The following SEC14L1 variants were observed in gnomAD, a reference collection of about 807,000 sequenced individuals.
The protein encoded by SEC14L1 is SEC14-like protein 1.
SEC14L1 carries 48 observed loss-of-function variants against 85.3 expected under a neutral mutation model. The ratio of observed to expected loss-of-function variants is 0.56; its 90% CI spans 0.45 to 0.72. SEC14L1 has a LOEUF of 0.72. Ranked by LOEUF, SEC14L1 falls within the 30% of genes least tolerant of loss-of-function variation. The pLI is 0.00. For missense variants in SEC14L1, 682 were observed against 921.4 expected, an observed-to-expected ratio of 0.74 and a Z score of 3.36; for synonymous variants, 391 against 355.5, an observed-to-expected ratio of 1.10 and a Z score of -1.12.
At chr17:77,155,330 CCACACA>C (rs1233305222) in intron 3 of SEC14L1, among the ~76,000 whole-genome samples, 1 of 152,058 alleles carries the variant, frequency 6.6e-6, no homozygotes, top group Non-Finnish European at 1.5e-5. Flanking sequence ...ACACCCACAC[CCACACA>C]CCCACCCCAG....
intron 3 of SEC14L1, among the ~76,000 whole-genome samples, chr17:77,153,224 G>A (rs557891943): frequency 1.6e-4 from 25 of 152,208 alleles, no homozygotes; most frequent in African/African-American, 5.5e-4. Flanking sequence ...GCGCCACCAC[G>A]CCCGGCTAAT....
In SEC14L1 at chr17:77,190,928, A is replaced by G; in HGVS notation, c.189A>G (p.Val63=). Residue 63 remains valine (V), a synonymous_variant, in exon 4 of 17, where the codon GTA becomes GTG. Coordinates refer to ENST00000436233, the MANE Select transcript of SEC14L1 (RefSeq NM_001143998.2). ...HVIERRCKLD[V]DAPRLLKKIA... ...TTGAAAGGCGCTGCAAGCTGGATGTAGATGCACCCAGACTGCTGAAGAAGG... is the reference window on the plus strand; with the variant it reads ...TTGAAAGGCGCTGCAAGCTGGATGTGGATGCACCCAGACTGCTGAAGAAGG... 1 of 1,614,190 alleles carries G rather than the reference A, an allele frequency of 6.2e-7. No individual in the cohort carries two copies. The highest frequency in any genetic ancestry group is 8.5e-7 in the Non-Finnish European group (1 of 1,180,048).
chr17:77,187,400 C>T (rs570646211), intron 3 of SEC14L1, among the ~76,000 whole-genome samples: 40 of 151,754 alleles, frequency 2.6e-4, no homozygotes, highest in African/African-American at 9.0e-4. Context: ...TTTTCTGAGA[C>T]GGAGTCTCTC....
At chr17:77,196,110 A>G in intron 7 of SEC14L1, 92 bp from the exon 8 acceptor site, 1 of 958,606 alleles carries the variant, frequency 1.0e-6, no homozygotes. Context: ...CTAGGACTCT[A>G]GGACCACACG....
In SEC14L1 at chr17:77,209,376, C is replaced by G; in HGVS notation, c.1511C>G (p.Ser504Cys). 6.2e-7 allele frequency: 1 copy of G among 1,614,166 alleles called. No homozygotes were observed. Among genetic ancestry groups the G allele is most frequent in the Non-Finnish European group, 8.5e-7 (1 of 1,180,024 alleles). Reference protein sequence around the residue: ...EVPEGGLVPKSLYRTAEELEN... With the variant: ...EVPEGGLVPKCLYRTAEELEN... ...CCAGAGGGTGGACTGGTCCCCAAAT[C>G]TCTGTACCGGACTGCAGAGGAGCTG... The change falls in exon 14 of 17, where the codon TCT becomes TGT. Residue 504 changes from serine (S) to cysteine (C), a missense_variant. Around this residue, in one of 3 missense-constraint regions of SEC14L1, gnomAD observed 420 missense variants for 619.5 expected, o/e 0.68. Transcript: ENST00000436233.
At position 77,193,435 on chromosome 17, in the gene SEC14L1, T is replaced by G. The variant is rs780217945; in HGVS notation, c.360T>G (p.Asn120Lys). The G allele has an allele frequency of 8.7e-6, 14 of 1,602,290 alleles. No homozygotes were observed. Among genetic ancestry groups the G allele is most frequent in the Non-Finnish European group, 1.1e-5 (13 of 1,171,750 alleles). The change falls in exon 6 of 17, where the codon AAT (asparagine) becomes AAG (lysine). Residue 120 changes from asparagine (N) to lysine (K), a missense_variant. Physicochemically the swap from Asn to Lys is moderately conservative, Grantham distance 94 (BLOSUM62 0). This residue lies in a region of SEC14L1 where 139 missense variants were observed against 201.3 expected (regional missense o/e 0.69). Transcript: ENST00000436233. ...EHCCYTVHPENEDWTCFEQSA... is the reference protein window; with the variant it reads ...EHCCYTVHPEKEDWTCFEQSA... ...TTTATCTGCAGGTTCACCCTGAAAA[T>G]GAAGATTGGACCTGTTTTGAACAGT...
At chr17:77,142,311 A>G (rs971032030) in intron 1 of SEC14L1, among the ~76,000 whole-genome samples, 1 of 152,176 alleles carries the variant, frequency 6.6e-6, no homozygotes, top group Non-Finnish European at 1.5e-5. Context: ...GCCGTGACTC[A>G]TGACTATAAT....
Position 77,143,566 on chromosome 17 carries a change from G to A in SEC14L1, c.-30-1G>A. ...TTATCACATATATTTATGTTTTGCAGGTGTGAGAGGGTTGCTGTTGTATTG... is the reference window on the plus strand; with the variant it reads ...TTATCACATATATTTATGTTTTGCAAGTGTGAGAGGGTTGCTGTTGTATTG... On this transcript the variant is annotated splice_acceptor_variant, in intron 2 of 16. Coordinates refer to ENST00000436233, the MANE Select transcript of SEC14L1 (RefSeq NM_001143998.2). LOFTEE classifies it low-confidence loss of function (5UTR_SPLICE). 1 of 1,590,842 alleles carries A rather than the reference G, an allele frequency of 6.3e-7. No individual in the cohort carries two copies. The highest frequency in any genetic ancestry group is 8.6e-7 in the Non-Finnish European group (1 of 1,159,918).
At chr17:77,107,878 G>A (rs111654538) in intron 3 of SEC14L1, among the ~76,000 whole-genome samples, 103 of 152,288 alleles carry the variant, frequency 6.8e-4, no homozygotes, top group African/African-American at 2.2e-3. Context: ...TTAGCCCACA[G>A]TCTCTGAACA....
intron 14 of SEC14L1, chr17:77,211,637 G>A: frequency 5.3e-6 from 2 of 374,286 alleles, no homozygotes. Flanking sequence ...ACTCATGTAC[G>A]AGCTCACAGT....
At chr17:77,095,481 C>CT (rs1464511761) in intron 3 of SEC14L1, among the ~76,000 whole-genome samples, 2 of 152,186 alleles carry the variant, frequency 1.3e-5, no homozygotes, top group African/African-American at 2.4e-5. Flanking sequence ...AAAGTGGCTC[C>CT]TTAACAATGA....
intron 3 of SEC14L1, among the ~76,000 whole-genome samples, chr17:77,188,625 C>T (rs1036384379): frequency 2.6e-5 from 4 of 152,066 alleles, no homozygotes; most frequent in South Asian, 2.1e-4. Flanking sequence ...GGGTTTTGTG[C>T]GAACATAAGC....
At chr17:77,143,712 G>T (rs1973155839) in intron 3 of SEC14L1, 53 bp downstream of exon 3, 1 of 1,306,556 alleles carries the variant, frequency 7.7e-7, no homozygotes, top group Non-Finnish European at 1.1e-6. Context: ...ATAAAGTACA[G>T]TGTTAGAATT....
chr17:77,089,512 G>C (rs1341035782), intron 2 of SEC14L1: 1 of 508,302 alleles, frequency 2.0e-6, no homozygotes, highest in African/African-American at 1.9e-5. Context: ...TAAAGAAAAT[G>C]GTTGTAGTTA....
chr17:77,149,997 T>C (rs1489272929), intron 3 of SEC14L1, among the ~76,000 whole-genome samples: 1 of 152,184 alleles, frequency 6.6e-6, no homozygotes, highest in Non-Finnish European at 1.5e-5. Context: ...GTTTTTGTTT[T>C]TGTTTTTAAA....
intron 9 of SEC14L1, 138 bp from the exon 10 acceptor site, chr17:77,203,432 C>T: frequency 1.5e-6 from 1 of 689,070 alleles, no homozygotes. Flanking sequence ...AAATCAGTTG[C>T]CACTTCTAAG....
At chr17:77,161,659 G>A (rs1444505135) in intron 3 of SEC14L1, among the ~76,000 whole-genome samples, 1 of 149,452 alleles carries the variant, frequency 6.7e-6, no homozygotes, top group Non-Finnish European at 1.5e-5. Flanking sequence ...CTTTGCCATA[G>A]AGATTTTGCT....
At chr17:77,148,973 C>G (rs942019750) in intron 3 of SEC14L1, among the ~76,000 whole-genome samples, 1 of 152,228 alleles carries the variant, frequency 6.6e-6, no homozygotes, top group East Asian at 1.9e-4. Flanking sequence ...CCCGTTGGCC[C>G]GGACACACAG....
chr17:77,100,740 G>A (rs922815755), intron 3 of SEC14L1, among the ~76,000 whole-genome samples: 2 of 151,956 alleles, frequency 1.3e-5, no homozygotes, highest in Admixed American at 6.6e-5. Context: ...CCCAGCCTGG[G>A]CTTTCTCTGA....
Sources: gnomAD v4.1 joint callset for allele counts (sites outside exome capture counted in the v4.1 genomes callset) on GRCh38, gnomAD v4.1.1 for gene constraint, gnomAD v4.1.1 regional missense constraint, MANE v1.5 for transcripts, NCBI Gene and HGNC (gene_info 2026-07-23, HGNC 2026-07-21) for gene names.